The following LHX2 variants were observed in gnomAD, a reference collection of about 807,000 sequenced individuals.
LHX2 encodes the protein LIM/homeobox protein Lhx2.
LHX2 carries 6 observed loss-of-function variants against 33.0 expected under a neutral mutation model. That is an observed-to-expected ratio of 0.18 (90% CI 0.10 to 0.36). The LOEUF (loss-of-function observed/expected upper bound fraction) is 0.36, where lower values mean the gene tolerates loss of function less well. Among genes scored for constraint, LHX2 ranks in the 10% least tolerant of loss-of-function variants. The pLI, the probability that LHX2 is intolerant of heterozygous loss-of-function variation, is 1.00. For synonymous variants in LHX2, 292 were observed against 253.1 expected (o/e 1.15, Z -1.46); for missense variants, 442 against 586.2 (o/e 0.75, Z 2.54).
Position 124,014,210 on chromosome 9 carries a change from C to A in LHX2, c.323+47C>A. On this transcript the variant is annotated intron_variant, in intron 2 of 4. Transcript: ENST00000373615. This position sits in a 1 kb window ranked among gnomAD's most constrained non-coding sequence, Gnocchi z 4.8. ...CCCTCAGGACCCCTCCCCCCAATCT[C>A]AGGCACAGTCTTACAGTTTGGCCCT... is the stretch of plus-strand genomic sequence containing the variant. The A allele has an allele frequency of 7.5e-7, 1 of 1,328,472 alleles. No individual in the cohort carries two copies. Among genetic ancestry groups the A allele is most frequent in the Non-Finnish European group, 1.1e-6 (1 of 948,344 alleles). 82.3% of individuals were successfully genotyped at this position (1,328,472 alleles called of 1,614,324 possible).
rs1444860266 is a variant in LHX2 at position 124,032,417 on chromosome 9, C to T, written c.934-3C>T. The T allele has an allele frequency of 1.3e-5, 21 of 1,581,818 alleles. No individual in the cohort carries two copies. Among genetic ancestry groups the T allele is most frequent in the Non-Finnish European group, 1.7e-5 (20 of 1,163,800 alleles). ...ACCAGCCCTTCCCTGTCGTCCCCCGCAGGTCTGGTTCCAGAACGCCCGAGC... is the reference window on the plus strand; with the variant it reads ...ACCAGCCCTTCCCTGTCGTCCCCCGTAGGTCTGGTTCCAGAACGCCCGAGC... On this transcript the variant is annotated splice_polypyrimidine_tract_variant and splice_region_variant and intron_variant, in intron 4 of 4. Coordinates refer to ENST00000373615, the MANE Select transcript of LHX2 (RefSeq NM_004789.4). This position sits in a 1 kb window ranked among gnomAD's most constrained non-coding sequence, Gnocchi z 4.1.
intron 4 of LHX2, among the ~76,000 whole-genome samples, chr9:124,022,290 G>A (rs1859306572): frequency 6.6e-6 from 1 of 152,150 alleles, no homozygotes; most frequent in Non-Finnish European, 1.5e-5. Flanking sequence ...CGTGCCTGTG[G>A]TGCGACCTGA....
At chr9:124,029,166 T>A (rs532255524) in intron 4 of LHX2, among the ~76,000 whole-genome samples, 2 of 152,128 alleles carry the variant, frequency 1.3e-5, no homozygotes, top group African/African-American at 4.8e-5. Context: ...AAAATGGGAA[T>A]AATAATAGTC....
chr9:124,032,926 T>TTG lies in LHX2; in HGVS notation c.*219_*220insTG. On this transcript the variant is annotated 3_prime_UTR_variant, in exon 5 of 5. Transcript: ENST00000373615. The surrounding 1 kb of genome is among the most constrained non-coding windows in gnomAD (Gnocchi z 4.1). ...ATCTACCTGCAACACAACATTTGTG[T>TTG]CACTGTACAGTTTTGTGGACTGAGC... The TTG allele has an allele frequency of 2.1e-6, 1 of 483,444 alleles. No homozygotes were observed. The highest frequency in any genetic ancestry group is 3.6e-6 in the Non-Finnish European group (1 of 278,498). 29.9% of individuals were successfully genotyped at this position (483,444 alleles called of 1,614,324 possible).
At position 124,015,368 on chromosome 9, in the gene LHX2, C is replaced by T. The variant is rs749600163; in HGVS notation, c.570C>T (p.Ala190=). 4.3e-6 allele frequency: 7 copies of T among 1,609,778 alleles called. No individual in the cohort carries two copies. Among genetic ancestry groups the T allele is most frequent in the Admixed American group, 1.7e-5 (1 of 59,730 alleles). The change falls in exon 3 of 5, where the codon GCC becomes GCT. Residue 190 remains alanine (A), a synonymous_variant. Coordinates refer to ENST00000373615, the MANE Select transcript of LHX2 (RefSeq NM_004789.4). The surrounding 1 kb of genome is among the most constrained non-coding windows in gnomAD (Gnocchi z 7.9). ...ACCATGCCGACGTGGCAGCGGCGGC[C>T]GCTGCAGCCGCGGCGGCCAAGAGCG... ...HFNHADVAAA[A]AAAAAAKSAG... is the part of the protein sequence containing the mutation.
Position 124,012,393 on chromosome 9 carries a change from C to T in LHX2, c.45C>T (p.Ile15=), listed in dbSNP as rs1171862246. 1 of 1,532,678 alleles carries T rather than the reference C, an allele frequency of 6.5e-7. No homozygotes were observed. Among genetic ancestry groups the T allele is most frequent in the Non-Finnish European group, 8.7e-7 (1 of 1,144,386 alleles). The allele number at this position is 1,532,678 out of a possible 1,614,324, so 94.9% of individuals were successfully genotyped here. The change falls in exon 1 of 5, where the codon ATC becomes ATT. Residue 15 remains isoleucine (I), a synonymous_variant. Coordinates refer to ENST00000373615, the MANE Select transcript of LHX2 (RefSeq NM_004789.4). The surrounding 1 kb of genome is among the most constrained non-coding windows in gnomAD (Gnocchi z 4.3). ...CGGGCCCCGAGGTGCACGGGGTCAT[C>T]GACGAGATGGACCGCAGGGCCAAGA... ...SLSGPEVHGV[I]DEMDRRAKSE... is the part of the protein sequence containing the mutation.
In LHX2 at chr9:124,021,203, C is replaced by T; in HGVS notation, c.832C>T (p.Leu278Phe). 6.2e-7 allele frequency: 1 copy of T among 1,614,234 alleles called. No homozygotes were observed. The highest frequency in any genetic ancestry group is 8.5e-7 in the Non-Finnish European group (1 of 1,180,050). Reference sequence around the variant, plus strand: ...GCGCACGTCCTTCAAGCACCACCAGCTTCGGACCATGAAGTCTTACTTTGC... The same window carrying T: ...GCGCACGTCCTTCAAGCACCACCAGTTTCGGACCATGAAGTCTTACTTTGC... ...RMRTSFKHHQ[L>F]RTMKSYFAIN... is the part of the protein sequence containing the mutation. Residue 278 changes from leucine to phenylalanine, a missense_variant, in exon 4 of 5, where the codon CTT (leucine) becomes TTT (phenylalanine). Physicochemically the swap from Leu to Phe is conservative, Grantham distance 22 (BLOSUM62 0). Coordinates refer to ENST00000373615, the MANE Select transcript of LHX2 (RefSeq NM_004789.4).
At chr9:124,026,019 C>G (rs768503405) in intron 4 of LHX2, among the ~76,000 whole-genome samples, 3 of 152,092 alleles carry the variant, frequency 2.0e-5, no homozygotes, top group Admixed American at 6.5e-5. Context: ...TTTCAGGTGA[C>G]TAGTTAGTTA....
In LHX2 at chr9:124,032,363, C is replaced by CA. The variant is rs545017764; in HGVS notation, c.934-57_934-56insA. 12 of 1,517,354 alleles carry CA rather than the reference C, an allele frequency of 7.9e-6. No homozygotes were observed. Among genetic ancestry groups the CA allele is most frequent in the Middle Eastern group, 1.8e-4 (1 of 5,568 alleles). The allele number at this position is 1,517,354 out of a possible 1,614,324, so 94.0% of individuals were successfully genotyped here. A position where few individuals can be genotyped will look rare whatever the true frequency, so the allele number is the denominator to read the frequency against. On this transcript the variant is annotated intron_variant, in intron 4 of 4. Coordinates refer to ENST00000373615, the MANE Select transcript of LHX2 (RefSeq NM_004789.4). This position sits in a 1 kb window ranked among gnomAD's most constrained non-coding sequence, Gnocchi z 4.1. ...GCAGCAGAGCTCTGAGTGAAGCAGT[C>CA]GGGGGGATGCTCTGCCTGCCTTCCG...
intron 4 of LHX2, among the ~76,000 whole-genome samples, chr9:124,028,209 G>T (rs1194732996): frequency 6.6e-6 from 1 of 152,182 alleles, no homozygotes; most frequent in African/African-American, 2.4e-5. Context: ...TGCATGGTCA[G>T]GTAGTGCCTG....
rs1828702884 is a variant in LHX2 at position 124,031,422 on chromosome 9, T to TAAA, written c.934-998_934-997insAAA. ...CAACAAGAACTTGTGGGGTTTATTG[T>TAAA]CTGCTGAAAGGCAACTGCCAAAAAA... On this transcript the variant is annotated intron_variant, in intron 4 of 4. Transcript: ENST00000373615. Among the ~76,000 whole-genome samples, 3 of 151,720 alleles carry TAAA rather than the reference T, an allele frequency of 2.0e-5. No homozygotes were observed. The South Asian group carries it at 6.2e-4, about 32-fold the overall frequency.
At chr9:124,028,606 G>A (rs1435466906) in intron 4 of LHX2, among the ~76,000 whole-genome samples, 1 of 152,208 alleles carries the variant, frequency 6.6e-6, no homozygotes, top group African/African-American at 2.4e-5. Context: ...AGGACTGGAA[G>A]CTGCTCTTTC....
rs1003726119 is a variant in LHX2, at chr9:124,016,425, C to T, written c.727+900C>T. On this transcript the variant is annotated intron_variant, in intron 3 of 4. Transcript: ENST00000373615. This position sits in a 1 kb window ranked among gnomAD's most constrained non-coding sequence, Gnocchi z 4.4. ...AGGCCCGGAAAGGTTTATGACTCTC[C>T]GGGCTTCCGAACTAGAGTTTATGTG... Among the ~76,000 whole-genome samples, 1 of 152,234 alleles carries T rather than the reference C, an allele frequency of 6.6e-6. No individual in the cohort carries two copies. Among genetic ancestry groups the T allele is most frequent in the Non-Finnish European group, 1.5e-5 (1 of 68,048 alleles).
chr9:124,026,033 C>T (rs4593662), intron 4 of LHX2, among the ~76,000 whole-genome samples: 78,227 of 151,760 alleles, frequency 0.52, 20,187 homozygotes, highest in Admixed American at 0.61. Context: ...TTAGTTATTA[C>T]TAACCTGTGT....
In LHX2 at chr9:124,014,991, C is replaced by G. The variant is rs188303950; in HGVS notation, c.324-131C>G. 8,192 of 1,004,190 alleles carry G rather than the reference C, an allele frequency of 8.2e-3. 124 individuals carry two copies. The highest frequency in any genetic ancestry group is 0.032 in the South Asian group (2,062 of 63,634). 62.2% of individuals were successfully genotyped at this position (1,004,190 alleles called of 1,614,324 possible). The stretch of plus-strand genomic sequence containing the variant: ...AATCTAGTTCTCTCTCCCCCCCATC[C>G]TCCAAATAAAGGCCGGGTTGTTCGT... On this transcript the variant is annotated intron_variant, in intron 2 of 4. Transcript: ENST00000373615. The surrounding 1 kb of genome is among the most constrained non-coding windows in gnomAD (Gnocchi z 4.8).
At chr9:124,023,717 G>C (rs1828557499) in intron 4 of LHX2, among the ~76,000 whole-genome samples, 1 of 152,200 alleles carries the variant, frequency 6.6e-6, no homozygotes, top group South Asian at 2.1e-4. Context: ...GAACAAATCA[G>C]ATTTCCAGGA....
chr9:124,030,778 C>T (rs1219717342), intron 4 of LHX2, among the ~76,000 whole-genome samples: 4 of 151,648 alleles, frequency 2.6e-5, no homozygotes, highest in Admixed American at 6.6e-5. Flanking sequence ...GTTACAGGAG[C>T]GCACCATCAC....
intron 3 of LHX2, among the ~76,000 whole-genome samples, chr9:124,017,375 G>A (rs1435354190): frequency 1.3e-5 from 2 of 152,184 alleles, no homozygotes; most frequent in African/African-American, 2.4e-5. Flanking sequence ...CCCGGGACTA[G>A]GTTGGGGAAA....
intron 3 of LHX2, among the ~76,000 whole-genome samples, chr9:124,017,869 G>A (rs1029426935): frequency 3.3e-5 from 5 of 151,968 alleles, no homozygotes; most frequent in Non-Finnish European, 7.4e-5. Flanking sequence ...GGCCCCGGTG[G>A]AACGGAAACC....
Sources: gnomAD v4.1 joint callset for allele counts (sites outside exome capture counted in the v4.1 genomes callset) on GRCh38, gnomAD v4.1.1 for gene constraint, Gnocchi (gnomAD v3.1) non-coding constraint, MANE v1.5 for transcripts, NCBI Gene and HGNC (gene_info 2026-07-23, HGNC 2026-07-21) for gene names.